CROCC: variants seen among roughly 807,000 people sequenced by gnomAD.
CROCC encodes the protein rootletin.
A neutral mutation model predicts 245.2 loss-of-function variants in CROCC; 180 were observed. The ratio of observed to expected loss-of-function variants is 0.73; its 90% CI spans 0.65 to 0.83. The LOEUF (loss-of-function observed/expected upper bound fraction) is 0.83, where lower values mean the gene tolerates loss of function less well. CROCC is among the 40% of genes least tolerant of loss of function. The pLI is 0.00. For synonymous variants in CROCC, 1,205 were observed against 1,241.6 expected, an observed-to-expected ratio of 0.97 and a Z score of 0.62; for missense variants, 2,688 against 2,779.4, an observed-to-expected ratio of 0.97 and a Z score of 0.74.
In CROCC at chr1:16,938,448, GA is replaced by G. The variant is rs2075841096; in HGVS notation, c.1340del (p.Glu447GlyfsTer7). On this transcript the variant is annotated frameshift_variant, in exon 11 of 37. Coordinates refer to ENST00000375541, the MANE Select transcript of CROCC (RefSeq NM_014675.5). LOFTEE classifies it high-confidence loss of function. ...GGCGGCCCTGGAGACAGAGGATGGA[GA>G]GGGGCTACAGCAGACCCTAAGGGAC... ...EQAALETEDG[E>X]GLQQTLRDLA... 1 of 1,581,078 alleles carries G rather than the reference GA, an allele frequency of 6.3e-7. No individual in the cohort carries two copies. Among genetic ancestry groups the G allele is most frequent in the African/African-American group, 1.3e-5 (1 of 74,564 alleles).
In CROCC at chr1:16,954,742, G is replaced by T; in HGVS notation, c.3330G>T (p.Val1110=). The T allele has an allele frequency of 6.4e-7, 1 of 1,555,200 alleles. No individual in the cohort carries two copies. The highest frequency in any genetic ancestry group is 1.2e-5 in the South Asian group (1 of 84,408). Residue 1110 remains valine, a synonymous_variant, in exon 23 of 37, where the codon GTG becomes GTT. Coordinates refer to ENST00000375541, the MANE Select transcript of CROCC (RefSeq NM_014675.5). This position sits in a 1 kb window ranked among gnomAD's most constrained non-coding sequence, Gnocchi z 4.4. The part of the protein sequence containing the change: ...QSRQEQDRST[V]NALTSELRDL... ...GAGCCCCTCTGTCCCAGAGCACCGT[G>T]AACGCTCTGACGTCTGAGCTGCGGG...
At chr1:16,922,992 G>A (rs11587728) in intron 2 of CROCC, among the ~76,000 whole-genome samples, 194 bp downstream of exon 2, 7 of 152,220 alleles carry the variant, frequency 4.6e-5, no homozygotes, top group African/African-American at 9.7e-5. Flanking sequence ...GACTTATTCC[G>A]CATGTGGTGC....
At chr1:16,928,479 G>A (rs2075586493) in intron 3 of CROCC, among the ~76,000 whole-genome samples, 1 of 152,230 alleles carries the variant, frequency 6.6e-6, no homozygotes. Context: ...CTTTCCTGCA[G>A]TGAGGATGGA....
At chr1:16,936,119 T>C (rs1274412724) in intron 8 of CROCC, among the ~76,000 whole-genome samples, 3 of 152,258 alleles carry the variant, frequency 2.0e-5, no homozygotes, top group African/African-American at 7.2e-5. Flanking sequence ...GGTTTTTTTT[T>C]TCTTCCTCTT....
In CROCC at chr1:16,961,124, G is replaced by T; in HGVS notation, c.4399G>T (p.Ala1467Ser). The change falls in exon 27 of 37, where the codon GCA (alanine) becomes TCA (serine). Residue 1467 changes from alanine to serine, a missense_variant. This residue lies in a region of CROCC where 1,218 missense variants were observed against 1,286.3 expected (regional missense o/e 0.95). Coordinates refer to ENST00000375541, the MANE Select transcript of CROCC (RefSeq NM_014675.5). The part of the protein sequence containing the change: ...VPGSPARDAP[A>S]EGSGEGLNSP... ...CGGTTCCCCTGCCCGGGACGCACCC[G>T]CAGAAGGTAAGGGCAGTGCCGCGCG... is the stretch of plus-strand genomic sequence containing the variant. 4.5e-6 allele frequency: 6 copies of T among 1,347,022 alleles called. No individual in the cohort carries two copies. The highest frequency in any genetic ancestry group is 5.7e-6 in the Non-Finnish European group (6 of 1,054,636). The allele number at this position is 1,347,022 out of a possible 1,614,324, so 83.4% of individuals were successfully genotyped here.
intron 8 of CROCC, 62 bp from the exon 9 acceptor site, chr1:16,936,575 T>C (rs2075792102): frequency 6.8e-7 from 1 of 1,460,206 alleles, no homozygotes; most frequent in East Asian, 2.4e-5. Flanking sequence ...TGCCCAAGCA[T>C]AGTTTTAATT....
upstream of CROCC, chr1:16,921,872 A>G (rs1357732408): frequency 5.5e-6 from 4 of 725,148 alleles, no homozygotes; most frequent in Non-Finnish European, 4.7e-6. Context: ...TGCTCCTCCC[A>G]CCGCGGTGGT....
chr1:16,957,362 G>C (rs375921816), intron 25 of CROCC, among the ~76,000 whole-genome samples: 1 of 152,058 alleles, frequency 6.6e-6, no homozygotes, highest in East Asian at 1.9e-4. Context: ...AGCTGTGATC[G>C]CATCACCGCA....
chr1:16,914,921 A>G (rs1283522873), intron 1 of CROCC, among the ~76,000 whole-genome samples: 1 of 152,260 alleles, frequency 6.6e-6, no homozygotes, highest in African/African-American at 2.4e-5. Context: ...CAGAAAACAG[A>G]GATTTCTGTT....
intron 8 of CROCC, among the ~76,000 whole-genome samples, chr1:16,935,384 G>A (rs1241584004): frequency 1.3e-5 from 2 of 152,226 alleles, no homozygotes; most frequent in African/African-American, 4.8e-5. Flanking sequence ...GTGGCTCTGT[G>A]TCAGGCCAGG....
At chr1:16,920,060 T>A (rs1379559556), upstream of CROCC, among the ~76,000 whole-genome samples, 1 of 149,300 alleles carries the variant, frequency 6.7e-6, no homozygotes, top group Non-Finnish European at 1.5e-5. Flanking sequence ...CCCCAGCTAA[T>A]TTTTTTTATA....
At chr1:16,922,547 C>A (rs2075430914) in intron 1 of CROCC, 116 bp from the exon 2 acceptor site, 3 of 1,414,012 alleles carry the variant, frequency 2.1e-6, no homozygotes, top group Non-Finnish European at 2.8e-6. Flanking sequence ...TTCACTCCAT[C>A]TTGAGGGGGC....
In CROCC at chr1:16,954,913, C is replaced by A; in HGVS notation, c.3465+36C>A. On this transcript the variant is annotated intron_variant, in intron 23 of 36. Transcript: ENST00000375541. This position sits in a 1 kb window ranked among gnomAD's most constrained non-coding sequence, Gnocchi z 4.4. ...GCCCCCCTCTTCCAAGCAGCATACCCTAAATGGCACTGTGTGCCTGGGGGC... is the reference window on the plus strand; with the variant it reads ...GCCCCCCTCTTCCAAGCAGCATACCATAAATGGCACTGTGTGCCTGGGGGC... The A allele has an allele frequency of 6.7e-7, 1 of 1,484,640 alleles. No homozygotes were observed. Among genetic ancestry groups the A allele is most frequent in the South Asian group, 1.3e-5 (1 of 76,412 alleles). The allele number at this position is 1,484,640 out of a possible 1,614,324, so 92.0% of individuals were successfully genotyped here. A position where few individuals can be genotyped will look rare whatever the true frequency, so the allele number is the denominator to read the frequency against.
At chr1:16,951,902 C>G (rs9435721) in intron 20 of CROCC, 1 of 156,444 alleles carries the variant, frequency 6.4e-6, no homozygotes. Context: ...TTTCTTTTTT[C>G]TTTTTTTGAG....
chr1:16,969,360 G>A lies in CROCC; in HGVS notation c.5301+20G>A. On this transcript the variant is annotated intron_variant, in intron 32 of 36. Coordinates refer to ENST00000375541, the MANE Select transcript of CROCC (RefSeq NM_014675.5). ...CTCCAGGTCTCGGGCCCAGGGTCTGGCTGGGGTGGGCCCAGTGAGAGAGTC... is the reference window on the plus strand; with the variant it reads ...CTCCAGGTCTCGGGCCCAGGGTCTGACTGGGGTGGGCCCAGTGAGAGAGTC... 6.3e-7 allele frequency: 1 copy of A among 1,596,948 alleles called. No individual in the cohort carries two copies. The highest frequency in any genetic ancestry group is 8.5e-7 in the Non-Finnish European group (1 of 1,171,300).
Position 16,955,998 on chromosome 1 carries a change from C to T in CROCC, c.3706C>T (p.Leu1236=). Residue 1236 remains leucine (L), a splice_region_variant and synonymous_variant, in exon 25 of 37, where the codon CTG becomes TTG. Transcript: ENST00000375541. Reference sequence around the variant, plus strand: ...GCCCCTGACCTCTGCCCTCTCCAGCCTGAAGCTTGCCAATGAGGACAAGGA... The same window carrying T: ...GCCCCTGACCTCTGCCCTCTCCAGCTTGAAGCTTGCCAATGAGGACAAGGA... ...VKKAESERIS[L]KLANEDKEQK... 2 of 1,550,306 alleles carry T rather than the reference C, an allele frequency of 1.3e-6. No individual in the cohort carries two copies. Among genetic ancestry groups the T allele is most frequent in the Non-Finnish European group, 1.7e-6 (2 of 1,146,996 alleles).
chr1:16,946,009 A>T (rs548879484), intron 15 of CROCC, among the ~76,000 whole-genome samples: 12 of 152,386 alleles, frequency 7.9e-5, no homozygotes, highest in Middle Eastern at 3.4e-3. Flanking sequence ...TACTCAGGGG[A>T]TCCTCTGAAC....
Position 16,954,722 on chromosome 1 carries a change from C to CCT in CROCC, c.3322-9_3322-8dup. ...ACAGCAGGACCAAGTCTGAGGAGCC[C>CCT]CTCTGTCCCAGAGCACCGTGAACGC... On this transcript the variant is annotated splice_polypyrimidine_tract_variant and intron_variant, in intron 22 of 36. Transcript: ENST00000375541. The surrounding 1 kb of genome is among the most constrained non-coding windows in gnomAD (Gnocchi z 4.4). 6.5e-7 allele frequency: 1 copy of CCT among 1,544,460 alleles called. No homozygotes were observed. The highest frequency in any genetic ancestry group is 1.4e-5 in the African/African-American group (1 of 73,124).
chr1:16,922,947 T>G, intron 2 of CROCC, 149 bp downstream of exon 2: 2 of 1,255,578 alleles, frequency 1.6e-6, no homozygotes, highest in East Asian at 2.4e-5. Flanking sequence ...ATTTTACAGA[T>G]GAGGAAACAG....
Sources: allele counts gnomAD v4.1 joint callset (sites outside exome capture counted in the v4.1 genomes callset), GRCh38; gene constraint gnomAD v4.1.1; regional missense constraint gnomAD v4.1.1; non-coding constraint Gnocchi (gnomAD v3.1); transcripts MANE v1.5; gene names NCBI Gene and HGNC (gene_info 2026-07-23, HGNC 2026-07-21).